Variants in ATP7B observed in about 807,000 individuals in gnomAD.
ATP7B encodes ATPase copper transporting beta.
A neutral mutation model predicts 118.9 loss-of-function variants in ATP7B; 113 were observed. The ratio of observed to expected loss-of-function variants is 0.95; its 90% confidence interval spans 0.82 to 1.11. The LOEUF (loss-of-function observed/expected upper bound fraction) is 1.11. Ranked by LOEUF, ATP7B falls within the 50% of genes most tolerant of loss-of-function variation. ATP7B has a pLI of 0.00. For missense variants in ATP7B, 1,867 were observed against 1,871.4 expected, an observed-to-expected ratio of 1.00 and a Z score of 0.04; for synonymous variants, 777 against 727.4, an observed-to-expected ratio of 1.07 and a Z score of -1.10.
intron 13 of ATP7B, 114 bp downstream of exon 13, chr13:51,946,170 T>C: frequency 4.3e-6 from 6 of 1,382,160 alleles, no homozygotes; most frequent in Non-Finnish European, 2.0e-6. Context: ...CTTCCTATTC[T>C]ATGTAATTAA....
At chr13:51,977,592 T>C (rs1198768433) in intron 1 of ATP7B, among the ~76,000 whole-genome samples, 1 of 152,256 alleles carries the variant, frequency 6.6e-6, no homozygotes, top group African/African-American at 2.4e-5. Flanking sequence ...ACTTTTTCTT[T>C]TTATAAGTAG....
chr13:51,958,098 G>GT (rs1958471782), intron 8 of ATP7B: 1 of 614,054 alleles, frequency 1.6e-6, no homozygotes, highest in South Asian at 2.0e-5. Context: ...CTGAATGATG[G>GT]TTTTAATAAT....
At position 51,963,323 on chromosome 13, in the gene ATP7B, T is replaced by C. The variant is rs1958871894; in HGVS notation, c.1870-1410A>G. Among the ~76,000 whole-genome samples the C allele has an allele frequency of 2.6e-5, 4 of 152,176 alleles. No homozygotes were observed. In the South Asian group the frequency reaches 6.2e-4, roughly 24 times the overall value. Reference sequence around the variant, plus strand: ...GTTCTGCTGTCCGTGAGCTGGGTATTGTGAGTAAAGTTACTTAACCTCTCT... The same window carrying C: ...GTTCTGCTGTCCGTGAGCTGGGTATCGTGAGTAAAGTTACTTAACCTCTCT... On this transcript the variant is annotated intron_variant, in intron 5 of 20. Coordinates refer to ENST00000242839, the MANE Select transcript of ATP7B (RefSeq NM_000053.4).
chr13:51,962,404 A>T (rs1464473474), intron 5 of ATP7B, among the ~76,000 whole-genome samples: 1 of 152,194 alleles, frequency 6.6e-6, no homozygotes, highest in Non-Finnish European at 1.5e-5. Flanking sequence ...CAGAGCCTAC[A>T]CCGCAATCTT....
chr13:51,975,947 T>TAC (rs1952097129), intron 1 of ATP7B, among the ~76,000 whole-genome samples: 2 of 152,330 alleles, frequency 1.3e-5, no homozygotes, highest in East Asian at 3.9e-4. Context: ...CTCCTGGGTG[T>TAC]TCAGGAGAGC....
At chr13:51,950,509 G>A (rs928987804) in intron 9 of ATP7B, 110 bp from the exon 10 acceptor site, 9 of 1,463,866 alleles carry the variant, frequency 6.1e-6, no homozygotes, top group African/African-American at 4.1e-5. Flanking sequence ...CTGAGCAACA[G>A]TATTCATTTG....
Position 51,937,346 on chromosome 13 carries a change from A to G in ATP7B, c.3951T>C (p.Thr1317=), listed in dbSNP as rs375443998. The change falls in exon 19 of 21, where the codon ACT becomes ACC. Residue 1317 remains threonine, a synonymous_variant. Coordinates refer to ENST00000242839, the MANE Select transcript of ATP7B (RefSeq NM_000053.4). ...CCAGGTTGATGCGTATCCTTCGGAC[A>G]GTCCTCTTGGAAAGGTGAATGCTAG... ...VVASIHLSKR[T]VRRIRINLVL... 4 of 1,614,098 alleles carry G rather than the reference A, an allele frequency of 2.5e-6. No individual in the cohort carries two copies. The highest frequency in any genetic ancestry group is 3.4e-6 in the Non-Finnish European group (4 of 1,180,044).
At chr13:51,938,981 A>G (rs1481614379) in intron 17 of ATP7B, 70 bp downstream of exon 17, 4 of 1,612,222 alleles carry the variant, frequency 2.5e-6, no homozygotes, top group South Asian at 1.1e-5. Flanking sequence ...TGCTGGGCCA[A>G]CTGGTGCTTA....
chr13:51,937,267 G>C lies in ATP7B; in HGVS notation c.4021+9C>G, dbSNP rs1437165838. On this transcript the variant is annotated intron_variant, in intron 19 of 20. Transcript: ENST00000242839. ...CGCAGCTGGAGCACAGTGGGTAAGA[G>C]CTGCCTACCTGCTGCAATGGGTATC... The C allele has an allele frequency of 2.5e-6, 4 of 1,611,774 alleles. No individual in the cohort carries two copies. Among genetic ancestry groups the C allele is most frequent in the African/African-American group, 1.3e-5 (1 of 74,878 alleles).
chr13:51,973,867 T>A, intron 2 of ATP7B, 68 bp downstream of exon 2: 2 of 1,602,900 alleles, frequency 1.2e-6, no homozygotes, highest in South Asian at 2.2e-5. Flanking sequence ...TATACCACCA[T>A]CCAGGAGCTA....
chr13:51,969,819 C>T (rs1951751704), intron 3 of ATP7B, among the ~76,000 whole-genome samples: 2 of 152,100 alleles, frequency 1.3e-5, no homozygotes, highest in South Asian at 4.1e-4. Context: ...GCATAGTGAA[C>T]AAGAGGCTGG....
chr13:51,949,730 T>G lies in ATP7B; in HGVS notation c.2797A>C (p.Thr933Pro), dbSNP rs1555288410. Residue 933 changes from threonine to proline, a missense_variant, in exon 12 of 21, where the codon ACT (threonine) becomes CCT (proline). By Grantham distance (38) the Thr-to-Pro change is conservative. Transcript: ENST00000242839. ...YFVPFIIIMS[T>P]LTLVVWIVIG... ...ACAATCCATACCACCAACGTCAAAG[T>G]TGACATGATGATGATAAATGGGACA... The G allele has an allele frequency of 7.4e-6, 12 of 1,613,876 alleles. No individual in the cohort carries two copies. Among genetic ancestry groups the G allele is most frequent in the Non-Finnish European group, 9.3e-6 (11 of 1,179,992 alleles).
At chr13:51,943,095 C>A (rs1246538112) in intron 14 of ATP7B, among the ~76,000 whole-genome samples, 1 of 152,120 alleles carries the variant, frequency 6.6e-6, no homozygotes, top group Non-Finnish European at 1.5e-5. Context: ...GACTGCCCGT[C>A]CTCCCCCAGG....
intron 1 of ATP7B, among the ~76,000 whole-genome samples, chr13:52,008,464 C>G (rs563642950): frequency 1.3e-5 from 2 of 152,270 alleles, no homozygotes; most frequent in East Asian, 3.9e-4. Context: ...ATTCGAATCC[C>G]CTAATCACAT....
At chr13:52,011,610 T>C (rs1259737540), upstream of ATP7B, 1 of 575,600 alleles carries the variant, frequency 1.7e-6, no homozygotes, top group Non-Finnish European at 3.1e-6. Flanking sequence ...GAGGGGAGAG[T>C]GGGCCTCGGA....
chr13:51,949,983 T>C, intron 11 of ATP7B, 24 bp downstream of exon 11: 1 of 1,614,200 alleles, frequency 6.2e-7, no homozygotes, highest in Non-Finnish European at 8.5e-7. Flanking sequence ...AAGATGAAGT[T>C]AGTTTTAAAA....
intron 4 of ATP7B, chr13:51,966,849 C>T (rs567474946): frequency 9.9e-6 from 16 of 1,612,786 alleles, no homozygotes; most frequent in African/African-American, 5.3e-5. Context: ...AAAAAATGGG[C>T]GCAATGGCCA....
At position 51,934,735 on chromosome 13, in the gene ATP7B, C is replaced by T. The variant is rs750894355; in HGVS notation, c.*21G>A. 6.8e-6 allele frequency: 11 copies of T among 1,611,652 alleles called. No homozygotes were observed. The highest frequency in any genetic ancestry group is 2.2e-5 in the East Asian group (1 of 44,894). On this transcript the variant is annotated 3_prime_UTR_variant, in exon 21 of 21. Transcript: ENST00000242839. Reference sequence around the variant, plus strand: ...GGTGAGTGGAGGCAAGTCCCTGCCCCGGCCCGCCTGCCTGAAGTCATCAGA... The same window carrying T: ...GGTGAGTGGAGGCAAGTCCCTGCCCTGGCCCGCCTGCCTGAAGTCATCAGA...
chr13:52,009,770 G>A (rs1451353906), intron 1 of ATP7B, among the ~76,000 whole-genome samples: 1 of 151,834 alleles, frequency 6.6e-6, no homozygotes, highest in South Asian at 2.1e-4. Context: ...GCAAGGTCTC[G>A]GTCCTACCTA....
Sources: allele counts gnomAD v4.1 joint callset (sites outside exome capture counted in the v4.1 genomes callset), GRCh38; gene constraint gnomAD v4.1.1; transcripts MANE v1.5; gene names NCBI Gene and HGNC (gene_info 2026-07-23, HGNC 2026-07-21).